The following PPP1R37 variants were observed in gnomAD, a reference collection of about 807,000 sequenced individuals.
The protein encoded by PPP1R37 is protein phosphatase 1 regulatory subunit 37, also known as leucine rich repeat containing 68.
PPP1R37 carries 21 observed loss-of-function variants against 61.0 expected under a neutral mutation model. The observed-to-expected ratio is 0.34, with a 90% CI of 0.24 to 0.50. PPP1R37 has a LOEUF of 0.50. Among genes scored for constraint, PPP1R37 ranks in the 20% least tolerant of loss-of-function variants. PPP1R37 has a pLI of 0.98. For synonymous variants in PPP1R37, 443 were observed against 433.5 expected (o/e 1.02, Z -0.27); for missense variants, 910 against 952.7 (o/e 0.96, Z 0.59).
chr19:45,094,433 G>C (rs1600152005), intron 1 of PPP1R37, among the ~76,000 whole-genome samples: 1 of 152,220 alleles, frequency 6.6e-6, no homozygotes, highest in African/African-American at 2.4e-5. Flanking sequence ...TCCTGAGAAA[G>C]AATTGGGGGA....
At chr19:45,131,311 C>G (rs1381502598) in intron 1 of PPP1R37, among the ~76,000 whole-genome samples, 5 of 152,182 alleles carry the variant, frequency 3.3e-5, no homozygotes, top group Non-Finnish European at 7.3e-5. Flanking sequence ...AGCAGCATCT[C>G]TCCCTGGAGC....
rs1967942602 is a variant in PPP1R37, at chr19:45,093,182, G to T, written c.-144G>T. On this transcript the variant is annotated 5_prime_UTR_variant, in exon 1 of 13. Transcript: ENST00000221462. ...GCGCGCTTGGGCTCCCGGCGGCGAC[G>T]ACTACGACCACTAGGAGAGCGGACG... is the stretch of plus-strand genomic sequence containing the variant. The T allele has an allele frequency of 3.1e-6, 2 of 642,748 alleles. No individual in the cohort carries two copies. Among genetic ancestry groups the T allele is most frequent in the Non-Finnish European group, 4.6e-6 (2 of 438,912 alleles). The allele number at this position is 642,748 out of a possible 1,614,324, so 39.8% of individuals were successfully genotyped here. A position where few individuals can be genotyped will look rare whatever the true frequency, so the allele number is the denominator to read the frequency against.
intron 1 of PPP1R37, among the ~76,000 whole-genome samples, chr19:45,123,679 T>C (rs2122733291): frequency 6.6e-6 from 1 of 152,318 alleles, no homozygotes; most frequent in Non-Finnish European, 1.5e-5. Flanking sequence ...TAATCGAGTG[T>C]TTGGCAGAGT....
chr19:45,132,301 G>A (rs1599706685), intron 1 of PPP1R37, among the ~76,000 whole-genome samples: 1 of 151,912 alleles, frequency 6.6e-6, no homozygotes, highest in Non-Finnish European at 1.5e-5. Flanking sequence ...GAGCAGTTAC[G>A]TATTTTTTCT....
chr19:45,125,356 A>G (rs149223020), intron 1 of PPP1R37, among the ~76,000 whole-genome samples: 1,573 of 152,218 alleles, frequency 0.01, 25 homozygotes, highest in African/African-American at 0.036. Context: ...CCAGCTACTC[A>G]GGAGGCTGAG....
intron 1 of PPP1R37, among the ~76,000 whole-genome samples, chr19:45,114,987 G>A (rs561575779): frequency 2.8e-4 from 42 of 152,224 alleles, no homozygotes; most frequent in South Asian, 1.9e-3. Flanking sequence ...GGGCCCTTGT[G>A]TTCTGAGAGT....
chr19:45,132,224 C>T (rs1408883657), intron 1 of PPP1R37, among the ~76,000 whole-genome samples: 1 of 151,826 alleles, frequency 6.6e-6, no homozygotes, highest in Non-Finnish European at 1.5e-5. Context: ...TGCCCACCCC[C>T]ACATACTTGT....
chr19:45,105,321 C>T (rs1199939929), intron 1 of PPP1R37, among the ~76,000 whole-genome samples: 1 of 152,146 alleles, frequency 6.6e-6, no homozygotes, highest in Admixed American at 6.5e-5. Flanking sequence ...GACTGGCAAA[C>T]AGGCCCGTCT....
At chr19:45,140,094 T>C (rs28404390) in intron 2 of PPP1R37, 142 bp from the exon 3 acceptor site, 7,916 of 657,120 alleles carry the variant, frequency 0.012, 394 homozygotes, top group African/African-American at 0.12. Context: ...AGCTGGTGGG[T>C]GGCCTCTGAG....
At chr19:45,125,180 C>T (rs1456392192) in intron 1 of PPP1R37, among the ~76,000 whole-genome samples, 2 of 152,076 alleles carry the variant, frequency 1.3e-5, no homozygotes, top group East Asian at 1.9e-4. Context: ...AATCTCTGAG[C>T]TTGGCCGGGC....
intron 1 of PPP1R37, among the ~76,000 whole-genome samples, chr19:45,095,758 TA>T (rs371559844): frequency 0.02 from 2,338 of 117,072 alleles, 52 homozygotes; most frequent in African/African-American, 0.059. Context: ...GACCCGGTCT[TA>T]AAAAAAAAAA....
rs1208807037 is a variant in PPP1R37 at position 45,147,209 on chromosome 19, G to C, written c.*647G>C. 1 of 152,450 alleles carries C rather than the reference G, an allele frequency of 6.6e-6. No homozygotes were observed. The highest frequency in any genetic ancestry group is 1.5e-5 in the Non-Finnish European group (1 of 68,230). The allele number at this position is 152,450 out of a possible 1,614,324, so 9.4% of individuals were successfully genotyped here. ...GTGGCATGGGTGTGGGTGAGGGTGG[G>C]CAGAGGGCTGGGGCTACTCCTGTCG... On this transcript the variant is annotated 3_prime_UTR_variant, in exon 13 of 13. Coordinates refer to ENST00000221462, the MANE Select transcript of PPP1R37 (RefSeq NM_019121.2).
At chr19:45,098,162 G>A (rs886825626) in intron 1 of PPP1R37, among the ~76,000 whole-genome samples, 3 of 152,188 alleles carry the variant, frequency 2.0e-5, no homozygotes, top group Admixed American at 6.5e-5. Context: ...GCTGGGAATC[G>A]TGAGTGAAAG....
rs1405464166 is a variant in PPP1R37 at position 45,130,287 on chromosome 19, A to G, written c.203-8227A>G. ...GGGGACCCCACTCCTGCAGAATACA[A>G]TCCTCCCATGAGCCTGAATCCATCC... On this transcript the variant is annotated intron_variant, in intron 1 of 12. Transcript: ENST00000221462. The surrounding 1 kb of genome is among the most constrained non-coding windows in gnomAD (Gnocchi z 4.4). Among the ~76,000 whole-genome samples, 2 of 152,008 alleles carry G rather than the reference A, an allele frequency of 1.3e-5. No individual in the cohort carries two copies. Among genetic ancestry groups the G allele is most frequent in the Admixed American group, 6.6e-5 (1 of 15,266 alleles).
intron 1 of PPP1R37, among the ~76,000 whole-genome samples, chr19:45,129,516 C>G (rs777113099): frequency 6.6e-6 from 1 of 152,180 alleles, no homozygotes; most frequent in Non-Finnish European, 1.5e-5. Context: ...CCAGGCTGGT[C>G]TTGAACTCCT....
At position 45,113,647 on chromosome 19, in the gene PPP1R37, C is replaced by T. The variant is rs528028266; in HGVS notation, c.202+20120C>T. On this transcript the variant is annotated intron_variant, in intron 1 of 12. Coordinates refer to ENST00000221462, the MANE Select transcript of PPP1R37 (RefSeq NM_019121.2). ...ATGGGGAGACTGAGGAACAGAGTTA[C>T]TTGGCCCCAGTGCTGCCTCTGATTT... Among the ~76,000 whole-genome samples the T allele has an allele frequency of 4.5e-4, 68 of 152,354 alleles. 1 individual carries two copies. In the South Asian group the frequency reaches 6.4e-3, roughly 14 times the overall value.
rs148045781 is a variant in PPP1R37, at chr19:45,130,736, A to G, written c.203-7778A>G. On this transcript the variant is annotated intron_variant, in intron 1 of 12. Coordinates refer to ENST00000221462, the MANE Select transcript of PPP1R37 (RefSeq NM_019121.2). The surrounding 1 kb of genome is among the most constrained non-coding windows in gnomAD (Gnocchi z 4.4). ...CCTGGGCCCTAGCTAGGACCTCCTG[A>G]CTCTGGTGCTCTGTGAACCTGGCTC... is the stretch of plus-strand genomic sequence containing the variant. Among the ~76,000 whole-genome samples, 336 of 152,140 alleles carry G rather than the reference A, an allele frequency of 2.2e-3. 1 individual carries two copies. Among genetic ancestry groups the G allele is most frequent in the Non-Finnish European group, 3.7e-3 (252 of 67,960 alleles).
chr19:45,103,136 G>T (rs939958413), intron 1 of PPP1R37, among the ~76,000 whole-genome samples: 2 of 152,174 alleles, frequency 1.3e-5, no homozygotes, highest in Non-Finnish European at 1.5e-5. Flanking sequence ...CCCTCCGCAG[G>T]GTCTCACACT....
At chr19:45,144,549 G>A in intron 8 of PPP1R37, 1 of 403,072 alleles carries the variant, frequency 2.5e-6, no homozygotes. Context: ...GCCCTCCTTG[G>A]GGGCTTCAGG....
Sources: allele counts gnomAD v4.1 joint callset (sites outside exome capture counted in the v4.1 genomes callset), GRCh38; gene constraint gnomAD v4.1.1; non-coding constraint Gnocchi (gnomAD v3.1); transcripts MANE v1.5; gene names NCBI Gene and HGNC (gene_info 2026-07-23, HGNC 2026-07-21).